CEP170: variants seen among roughly 807,000 people sequenced by gnomAD.
CEP170 encodes centrosomal protein of 170 kDa.
A neutral mutation model predicts 151.9 loss-of-function variants in CEP170; 21 were observed. The ratio of observed to expected loss-of-function variants is 0.14; its 90% confidence interval spans 0.10 to 0.20. The LOEUF (loss-of-function observed/expected upper bound fraction) is 0.20, where lower values mean the gene tolerates loss of function less well. CEP170 is among the 10% of genes least tolerant of loss of function. The probability of loss-of-function intolerance (pLI) is 1.00; values close to 1 mark genes in which losing one functional copy is unlikely to be tolerated. For synonymous variants in CEP170, 356 were observed against 648.8 expected, an observed-to-expected ratio of 0.55 and a Z score of 6.86; for missense variants, 964 against 1,892.9, an observed-to-expected ratio of 0.51 and a Z score of 9.11.
intron 1 of CEP170, among the ~76,000 whole-genome samples, chr1:243,245,753 A>G (rs891705457): frequency 6.6e-6 from 1 of 150,780 alleles, no homozygotes; most frequent in African/African-American, 2.5e-5. Context: ...AAAAACAAAA[A>G]ACAAAACAAA....
chr1:243,156,236 C>T lies in CEP170; in HGVS notation c.3896G>A (p.Arg1299Gln). The change falls in exon 14 of 20, where the codon CGA (arginine) becomes CAA (glutamine). Residue 1299 changes from arginine (R) to glutamine (Q), a missense_variant. Arg to Gln is a conservative substitution (Grantham distance 43, BLOSUM62 1). Coordinates refer to ENST00000366542, the MANE Select transcript of CEP170 (RefSeq NM_014812.3). ...GAAAACCAACCTGGCTATCTCTTCTCGATGAGCAGTCCAATCTCGGATGTA... is the reference window on the plus strand; with the variant it reads ...GAAAACCAACCTGGCTATCTCTTCTTGATGAGCAGTCCAATCTCGGATGTA... The part of the protein sequence containing the change: ...EDYIRDWTAH[R>Q]EEIARISQDL... The T allele has an allele frequency of 8.8e-6, 14 of 1,585,324 alleles. No individual in the cohort carries two copies. The highest frequency in any genetic ancestry group is 1.1e-5 in the Non-Finnish European group (13 of 1,166,022).
chr1:243,253,470 T>C (rs2066139081), intron 1 of CEP170: 1 of 152,234 alleles, frequency 6.6e-6, no homozygotes, highest in South Asian at 2.1e-4. Flanking sequence ...TTCTGAGTTT[T>C]AGTGTCTTCC....
chr1:243,221,063 C>G (rs185593576), intron 3 of CEP170, among the ~76,000 whole-genome samples: 29 of 152,132 alleles, frequency 1.9e-4, no homozygotes, highest in Admixed American at 3.9e-4. Flanking sequence ...CTTGTTCTGT[C>G]GCCCAGGCTG....
chr1:243,126,126 A>G lies in CEP170; in HGVS notation c.*323T>C. Reference sequence around the variant, plus strand: ...TGGCTATTTAGTTTGCTTGTAGGTCACAGCATGGCTTAAAAAAAAGAAAAA... The same window carrying G: ...TGGCTATTTAGTTTGCTTGTAGGTCGCAGCATGGCTTAAAAAAAAGAAAAA... On this transcript the variant is annotated 3_prime_UTR_variant, in exon 20 of 20. Coordinates refer to ENST00000366542, the MANE Select transcript of CEP170 (RefSeq NM_014812.3). The G allele has an allele frequency of 2.1e-6, 1 of 466,576 alleles. No homozygotes were observed. Among genetic ancestry groups the G allele is most frequent in the Non-Finnish European group, 4.3e-6 (1 of 233,906 alleles). The allele number at this position is 466,576 out of a possible 1,614,324, so 28.9% of individuals were successfully genotyped here.
At chr1:243,215,993 G>A (rs1312920670) in intron 3 of CEP170, among the ~76,000 whole-genome samples, 3 of 151,426 alleles carry the variant, frequency 2.0e-5, no homozygotes, top group African/African-American at 7.3e-5. Flanking sequence ...ATTATCGGGG[G>A]TAGGTTCCCC....
In CEP170 at chr1:243,164,624, T is replaced by C. The variant is rs1438389740; in HGVS notation, c.3336A>G (p.Ser1112=). ...TGTCAGCATCAGCAAGTTCACTGTC[T>C]GAAGCTTCACCAAGTCGTGCTCTGC... is the stretch of plus-strand genomic sequence containing the variant. ...LLRRARLGEA[S]DSELADADKA... Residue 1112 remains serine, a synonymous_variant, in exon 13 of 20, where the codon TCA becomes TCG. Transcript: ENST00000366542. 3.1e-6 allele frequency: 5 copies of C among 1,613,660 alleles called. No individual in the cohort carries two copies. Among genetic ancestry groups the C allele is most frequent in the Middle Eastern group, 1.6e-4 (1 of 6,078 alleles).
rs187065121 is a variant in CEP170, at chr1:243,194,325, C to T, written c.632-2831G>A. Among the ~76,000 whole-genome samples the T allele has an allele frequency of 3.3e-5, 5 of 151,828 alleles. No homozygotes were observed. In the East Asian group the frequency reaches 9.6e-4, roughly 29 times the overall value. On this transcript the variant is annotated intron_variant, in intron 7 of 19. Transcript: ENST00000366542. The stretch of plus-strand genomic sequence containing the variant: ...AGGCAGTATCAGTATTATTATATTA[C>T]TAATATATTTGATTATTGATTATAT...
At chr1:243,158,680 A>C (rs1021712216) in intron 13 of CEP170, among the ~76,000 whole-genome samples, 1 of 152,160 alleles carries the variant, frequency 6.6e-6, no homozygotes, top group Admixed American at 6.5e-5. Flanking sequence ...GTACGAGAAA[A>C]ACTTCCTTTT....
At chr1:243,152,253 G>T (rs1158547735) in intron 14 of CEP170, among the ~76,000 whole-genome samples, 3 of 147,066 alleles carry the variant, frequency 2.0e-5, no homozygotes, top group South Asian at 2.1e-4. Context: ...ACGGAGTCTC[G>T]CTCTGTCGCC....
In CEP170 at chr1:243,191,091, C is replaced by G. The variant is rs761033940; in HGVS notation, c.1035G>C (p.Met345Ile). ...DWLAQNNPPQ[M>I]LWERTEEDSK... is the part of the protein sequence containing the mutation. ...AATCCTCTTCTGTTCTTTCCCATAG[C>G]ATTTGAGGAGGGTTGTTTTGTGCTA... is the stretch of plus-strand genomic sequence containing the variant. Residue 345 changes from methionine to isoleucine, a missense_variant, in exon 8 of 20, where the codon ATG (methionine) becomes ATC (isoleucine). By Grantham distance (10) the Met-to-Ile change is conservative (BLOSUM62 1). Transcript: ENST00000366542. The G allele has an allele frequency of 6.2e-7, 1 of 1,612,996 alleles. No individual in the cohort carries two copies. Among genetic ancestry groups the G allele is most frequent in the South Asian group, 1.1e-5 (1 of 90,932 alleles).
In CEP170 at chr1:243,165,467, C is replaced by G; in HGVS notation, c.2493G>C (p.Lys831Asn). 1 of 1,597,120 alleles carries G rather than the reference C, an allele frequency of 6.3e-7. No homozygotes were observed. The highest frequency in any genetic ancestry group is 8.5e-7 in the Non-Finnish European group (1 of 1,171,350). Residue 831 changes from lysine (K) to asparagine (N), a missense_variant, in exon 13 of 20, where the codon AAG becomes AAC. By Grantham distance (94) the Lys-to-Asn change is moderately conservative. Transcript: ENST00000366542. ...PKGGDKKESS[K>N]SLVRQGSFTI... ...TGAAGCTCCCTTGTCGCACTAATGA[C>G]TTGGAGGATTCCTTCTTGTCTCCTC...
chr1:243,255,310 G>C (rs1393416122), upstream of CEP170: 1 of 152,896 alleles, frequency 6.5e-6, no homozygotes, highest in African/African-American at 2.4e-5. Flanking sequence ...ATCCCCTCCT[G>C]CCCAGTTCCA....
intron 17 of CEP170, among the ~76,000 whole-genome samples, chr1:243,132,874 G>C (rs1309339785): frequency 1.3e-5 from 2 of 152,172 alleles, no homozygotes; most frequent in African/African-American, 2.4e-5. Flanking sequence ...AAAACACTGT[G>C]TACTTGTTTA....
At chr1:243,143,206 C>T (rs2056077020) in intron 14 of CEP170, among the ~76,000 whole-genome samples, 1 of 151,990 alleles carries the variant, frequency 6.6e-6, no homozygotes, top group South Asian at 2.1e-4. Flanking sequence ...AAATTAAGAA[C>T]CCTGCACTCT....
intron 1 of CEP170, among the ~76,000 whole-genome samples, chr1:243,239,128 G>A (rs1308290367): frequency 6.6e-6 from 1 of 152,120 alleles, no homozygotes; most frequent in African/African-American, 2.4e-5. Context: ...CTCTGCTTAC[G>A]AGTCATTTCC....
In CEP170 at chr1:243,129,864, G is replaced by C. The variant is rs190189472; in HGVS notation, c.4320-411C>G. Reference sequence around the variant, plus strand: ...TACAGTATTTTGGGAGAGGGAGAGAGAGAGAGAGAAAAAAAAAGACCACAT... The same window carrying C: ...TACAGTATTTTGGGAGAGGGAGAGACAGAGAGAGAAAAAAAAAGACCACAT... On this transcript the variant is annotated intron_variant, in intron 17 of 19. Transcript: ENST00000366542. 4.1e-3 allele frequency among the ~76,000 whole-genome samples: 627 copies of C among 151,962 alleles called. 5 individuals are homozygous for C. Among genetic ancestry groups the C allele is most frequent in the African/African-American group, 0.014 (597 of 41,516 alleles).
Position 243,231,192 on chromosome 1 carries a change from T to TCA in CEP170, c.-41-5872_-41-5871insTG, listed in dbSNP as rs61245636. 5.0e-3 allele frequency among the ~76,000 whole-genome samples: 430 copies of TCA among 86,464 alleles called. 1 individual carries two copies. The highest frequency in any genetic ancestry group is 0.019 in the Admixed American group (124 of 6,626). 56.7% of individuals were successfully genotyped at this position (86,464 alleles called of 152,430 possible). On this transcript the variant is annotated intron_variant, in intron 1 of 19. Coordinates refer to ENST00000366542, the MANE Select transcript of CEP170 (RefSeq NM_014812.3). ...ATCATCATCATCATCATCATCATCATTATTATTATTATTATCATCATTATT... is the reference window on the plus strand; with the variant it reads ...ATCATCATCATCATCATCATCATCATCATATTATTATTATTATCATCATTATT...
chr1:243,213,159 C>T (rs2061970194), intron 3 of CEP170, among the ~76,000 whole-genome samples: 1 of 151,528 alleles, frequency 6.6e-6, no homozygotes. Flanking sequence ...TAGACTACTC[C>T]ACATTTCAAG....
intron 4 of CEP170, among the ~76,000 whole-genome samples, chr1:243,203,630 T>C (rs1277348874): frequency 6.6e-6 from 1 of 152,138 alleles, no homozygotes; most frequent in Non-Finnish European, 1.5e-5. Flanking sequence ...AATTATTTCA[T>C]ACAAGGAAAG....
Sources: allele counts gnomAD v4.1 joint callset (sites outside exome capture counted in the v4.1 genomes callset), GRCh38; gene constraint gnomAD v4.1.1; transcripts MANE v1.5; gene names NCBI Gene and HGNC (gene_info 2026-07-23, HGNC 2026-07-21).